SLC25A21: variants seen among roughly 807,000 people sequenced by gnomAD.
SLC25A21 encodes mitochondrial 2-oxodicarboxylate carrier.
In SLC25A21, 47 loss-of-function variants were observed where a neutral mutation model predicts 43.8. The observed-to-expected ratio is 1.07, with a 90% CI of 0.85 to 1.37. The LOEUF is 1.37. Ranked by LOEUF, SLC25A21 falls within the 40% of genes most tolerant of loss-of-function variation. SLC25A21 has a pLI of 0.00. For synonymous variants in SLC25A21, 131 were observed against 121.3 expected (o/e 1.08, Z -0.52); for missense variants, 352 against 350.2 (o/e 1.00, Z -0.04).
At chr14:37,021,716 T>C (rs1459153783) in intron 1 of SLC25A21, among the ~76,000 whole-genome samples, 1 of 151,916 alleles carries the variant, frequency 6.6e-6, no homozygotes, top group African/African-American at 2.4e-5. Flanking sequence ...GAGAGTTTGG[T>C]ATCAGAATAA....
chr14:36,875,203 G>A (rs535363466), intron 1 of SLC25A21, among the ~76,000 whole-genome samples, 199 bp from the exon 2 acceptor site: 3 of 152,314 alleles, frequency 2.0e-5, no homozygotes, highest in Non-Finnish European at 1.5e-5. Flanking sequence ...ATATGTGAGC[G>A]AGTACTTTCT....
In SLC25A21 at chr14:37,172,511, G is replaced by A; in HGVS notation, c.-161C>T. 1 of 802,746 alleles carries A rather than the reference G, an allele frequency of 1.2e-6. No homozygotes were observed. The allele number at this position is 802,746 out of a possible 1,614,324, so 49.7% of individuals were successfully genotyped here. On this transcript the variant is annotated 5_prime_UTR_variant, in exon 1 of 10. Transcript: ENST00000331299. ...CGACTGCTGGAAAGCGAGGGTTCGAGGCGCAGATTCGTCGCGCGATCTCCG... is the reference window on the plus strand; with the variant it reads ...CGACTGCTGGAAAGCGAGGGTTCGAAGCGCAGATTCGTCGCGCGATCTCCG...
chr14:36,769,850 T>C (rs888122435), intron 3 of SLC25A21, among the ~76,000 whole-genome samples: 1 of 152,218 alleles, frequency 6.6e-6, no homozygotes, highest in Non-Finnish European at 1.5e-5. Context: ...TTCTTACTCT[T>C]ACACCTCTTT....
intron 1 of SLC25A21, among the ~76,000 whole-genome samples, chr14:37,009,554 G>A (rs1960684751): frequency 6.6e-6 from 1 of 152,184 alleles, no homozygotes; most frequent in Admixed American, 6.5e-5. Flanking sequence ...ACCAGGGGAA[G>A]AGAAGAAAGA....
chr14:36,787,717 G>A (rs712330), intron 3 of SLC25A21, among the ~76,000 whole-genome samples: 98,839 of 152,044 alleles, frequency 0.65, 33,043 homozygotes, highest in East Asian at 0.89. Flanking sequence ...ATATAATAAG[G>A]AGTCTTTAAA....
chr14:36,906,694 C>T (rs753661035), intron 1 of SLC25A21, among the ~76,000 whole-genome samples: 2 of 151,832 alleles, frequency 1.3e-5, no homozygotes, highest in African/African-American at 4.8e-5. Context: ...TTAGTAGAGA[C>T]GGGGTATCAC....
chr14:37,037,223 C>A (rs1961346849), intron 1 of SLC25A21, among the ~76,000 whole-genome samples: 1 of 152,126 alleles, frequency 6.6e-6, no homozygotes, highest in Admixed American at 6.5e-5. Flanking sequence ...TTTAGCCTGG[C>A]AAACATTCCA....
chr14:37,167,998 A>G (rs1311751175), intron 1 of SLC25A21, among the ~76,000 whole-genome samples: 3 of 152,058 alleles, frequency 2.0e-5, no homozygotes, highest in African/African-American at 7.2e-5. Flanking sequence ...CTCTATTGCA[A>G]TTCTCTTGTC....
chr14:37,140,091 T>G (rs1165571622), intron 1 of SLC25A21, among the ~76,000 whole-genome samples: 1 of 152,088 alleles, frequency 6.6e-6, no homozygotes, highest in Non-Finnish European at 1.5e-5. Context: ...AATGTCCAGG[T>G]TTGTCTCACA....
At chr14:36,753,123 T>A (rs1431153295) in intron 3 of SLC25A21, among the ~76,000 whole-genome samples, 1 of 152,072 alleles carries the variant, frequency 6.6e-6, no homozygotes, top group Admixed American at 6.6e-5. Flanking sequence ...TTTGGGAAGA[T>A]GAAAAGTTCT....
chr14:37,065,994 A>C (rs928988398), intron 1 of SLC25A21, among the ~76,000 whole-genome samples: 1 of 152,138 alleles, frequency 6.6e-6, no homozygotes, highest in South Asian at 2.1e-4. Context: ...TCTGAGGGAA[A>C]ATTTGTATAA....
At chr14:36,799,517 T>C (rs1464053112) in intron 3 of SLC25A21, among the ~76,000 whole-genome samples, 2 of 152,216 alleles carry the variant, frequency 1.3e-5, no homozygotes, top group East Asian at 3.8e-4. Flanking sequence ...GGTCATATTA[T>C]AAGAATAGTT....
At chr14:36,944,425 A>T (rs1441013712) in intron 1 of SLC25A21, among the ~76,000 whole-genome samples, 1 of 152,116 alleles carries the variant, frequency 6.6e-6, no homozygotes, top group Non-Finnish European at 1.5e-5. Context: ...GGCTTTCTGA[A>T]GGAGGCAGCT....
chr14:36,801,816 T>C (rs1887878538), intron 3 of SLC25A21, among the ~76,000 whole-genome samples: 1 of 152,210 alleles, frequency 6.6e-6, no homozygotes, highest in African/African-American at 2.4e-5. Context: ...GTCCCTCTGC[T>C]TATTAAACTC....
intron 1 of SLC25A21, among the ~76,000 whole-genome samples, chr14:36,906,454 G>A (rs557204761): frequency 4.1e-4 from 63 of 151,926 alleles, no homozygotes; most frequent in African/African-American, 1.3e-3. Context: ...TGACTCTAAT[G>A]CATGGATGAT....
At chr14:36,947,798 G>C (rs1432021470) in intron 1 of SLC25A21, among the ~76,000 whole-genome samples, 9 of 152,066 alleles carry the variant, frequency 5.9e-5, no homozygotes, top group Non-Finnish European at 1.3e-4. Context: ...AAGCATCTCA[G>C]GTTTTATTAG....
intron 1 of SLC25A21, among the ~76,000 whole-genome samples, chr14:36,949,888 G>A (rs1461732703): frequency 6.6e-6 from 1 of 152,160 alleles, no homozygotes; most frequent in African/African-American, 2.4e-5. Flanking sequence ...AAAAGGTGGG[G>A]GAAGGGGCTC....
intron 2 of SLC25A21, among the ~76,000 whole-genome samples, chr14:36,837,900 T>C (rs1243664770): frequency 1.3e-5 from 2 of 152,120 alleles, no homozygotes; most frequent in African/African-American, 4.8e-5. Context: ...TGACTCTACC[T>C]CCCAGTGCCG....
chr14:36,936,461 A>G (rs142897387), intron 1 of SLC25A21, among the ~76,000 whole-genome samples: 20 of 152,266 alleles, frequency 1.3e-4, no homozygotes, highest in African/African-American at 4.6e-4. Context: ...ACCCTGCATT[A>G]GCTTTCAAAG....
Sources: gnomAD v4.1 joint callset for allele counts (sites outside exome capture counted in the v4.1 genomes callset) on GRCh38, gnomAD v4.1.1 for gene constraint, MANE v1.5 for transcripts, NCBI Gene and HGNC (gene_info 2026-07-23, HGNC 2026-07-21) for gene names.